Variants in DPY19L1 observed in about 807,000 individuals in gnomAD.
DPY19L1 encodes protein C-mannosyl-transferase DPY19L1.
A neutral mutation model predicts 96.9 loss-of-function variants in DPY19L1; 35 were observed. The observed-to-expected ratio is 0.36, with a 90% CI of 0.28 to 0.48. DPY19L1 has a LOEUF of 0.48. Among genes scored for constraint, DPY19L1 ranks in the 20% least tolerant of loss-of-function variants. The pLI is 0.99. For synonymous variants in DPY19L1, 205 were observed against 252.6 expected (o/e 0.81, Z 1.79); for missense variants, 521 against 777.9 (o/e 0.67, Z 3.93).
intron 16 of DPY19L1, among the ~76,000 whole-genome samples, chr7:34,944,101 A>C (rs1211937769): frequency 6.6e-6 from 1 of 152,136 alleles, no homozygotes; most frequent in Non-Finnish European, 1.5e-5. Flanking sequence ...GCAGTGGCTC[A>C]TGCCTATAAT....
At chr7:34,977,208 T>C (rs1258157704) in intron 7 of DPY19L1, among the ~76,000 whole-genome samples, 1 of 152,228 alleles carries the variant, frequency 6.6e-6, no homozygotes, top group Non-Finnish European at 1.5e-5. Context: ...TATTACGATA[T>C]TCATTTTACG....
At chr7:35,014,701 G>C (rs563273993) in intron 3 of DPY19L1, among the ~76,000 whole-genome samples, 15 of 152,256 alleles carry the variant, frequency 9.9e-5, no homozygotes, top group African/African-American at 3.6e-4. Flanking sequence ...GATTTGGATA[G>C]TGTCCCCTAA....
Position 34,988,201 on chromosome 7 carries a change from T to C in DPY19L1, c.822+1683A>G, listed in dbSNP as rs543887861. ...ATAGTATACACTGAGGGTAGCACGATAGACCTTTGCACTTTACAAACAGTG... is the reference window on the plus strand; with the variant it reads ...ATAGTATACACTGAGGGTAGCACGACAGACCTTTGCACTTTACAAACAGTG... On this transcript the variant is annotated intron_variant, in intron 7 of 21. Transcript: ENST00000638088. 5.3e-5 allele frequency: 8 copies of C among 152,296 alleles called. No individual in the cohort carries two copies. The South Asian group carries it at 8.3e-4, about 16-fold the overall frequency. 9.4% of individuals were successfully genotyped at this position (152,296 alleles called of 1,614,324 possible).
chr7:35,024,125 C>T (rs867890917), intron 1 of DPY19L1, among the ~76,000 whole-genome samples: 3 of 152,048 alleles, frequency 2.0e-5, no homozygotes, highest in Admixed American at 1.3e-4. Context: ...CATGAGCCAC[C>T]GCACCCGGCC....
chr7:34,954,163 A>G (rs1784325466), intron 13 of DPY19L1, among the ~76,000 whole-genome samples: 1 of 152,172 alleles, frequency 6.6e-6, no homozygotes, highest in South Asian at 2.1e-4. Flanking sequence ...ATGGACAGAG[A>G]GAATCTTTAA....
In DPY19L1 at chr7:34,942,607, G is replaced by C. The variant is rs747000764; in HGVS notation, c.1569+8C>G. The stretch of plus-strand genomic sequence containing the variant: ...ATAAGTAAAATTATAGTCATATTAA[G>C]TCTTTACCTCTCCATGATCAAACTG... On this transcript the variant is annotated splice_region_variant and intron_variant, in intron 17 of 21. Transcript: ENST00000638088. The C allele has an allele frequency of 1.3e-6, 2 of 1,588,136 alleles. No individual in the cohort carries two copies. The highest frequency in any genetic ancestry group is 1.7e-6 in the Non-Finnish European group (2 of 1,166,512).
chr7:34,998,310 GGGA>G (rs1000508396), intron 6 of DPY19L1, among the ~76,000 whole-genome samples: 3 of 152,182 alleles, frequency 2.0e-5, no homozygotes, highest in Admixed American at 2.0e-4. Context: ...TCAAAAGAGG[GGGA>G]GGAGATCAGG....
intron 6 of DPY19L1, among the ~76,000 whole-genome samples, chr7:34,998,032 C>T (rs1336109140): frequency 6.6e-6 from 1 of 152,152 alleles, no homozygotes; most frequent in Admixed American, 6.5e-5. Context: ...CATCCAGGCC[C>T]TCAGGGCTTC....
upstream of DPY19L1, chr7:35,037,813 C>A (rs950272520): frequency 9.2e-5 from 113 of 1,225,832 alleles, no homozygotes; most frequent in Non-Finnish European, 1.1e-4. Flanking sequence ...CCCGGCTACC[C>A]ACACCTCTTC....
At chr7:34,949,266 A>C (rs1562802975) in intron 14 of DPY19L1, among the ~76,000 whole-genome samples, 1 of 152,216 alleles carries the variant, frequency 6.6e-6, no homozygotes, top group Non-Finnish European at 1.5e-5. Context: ...ATGCTACTAG[A>C]AACTAGTAAA....
intron 13 of DPY19L1, among the ~76,000 whole-genome samples, chr7:34,953,720 GAATGAATA>G (rs923523053): frequency 3.6e-5 from 3 of 82,950 alleles, no homozygotes; most frequent in Non-Finnish European, 6.9e-5. Flanking sequence ...ATGAATGAAT[GAATGAATA>G]AATACATTTT....
chr7:34,968,770 A>G (rs1784663428), intron 9 of DPY19L1, among the ~76,000 whole-genome samples: 1 of 130,068 alleles, frequency 7.7e-6, no homozygotes, highest in Admixed American at 7.3e-5. Flanking sequence ...CTCCATCGCA[A>G]AAAAAAAAAA....
intron 16 of DPY19L1, among the ~76,000 whole-genome samples, chr7:34,942,971 A>G (rs1784057925): frequency 6.6e-6 from 1 of 152,202 alleles, no homozygotes; most frequent in African/African-American, 2.4e-5. Context: ...GATTTTCACT[A>G]GGCAACCAAG....
intron 7 of DPY19L1, among the ~76,000 whole-genome samples, chr7:34,982,372 G>A (rs1784957655): frequency 6.6e-6 from 1 of 152,100 alleles, no homozygotes; most frequent in South Asian, 2.1e-4. Context: ...ATTTTCAAAC[G>A]GATTAGAAAA....
rs551679096 is a variant in DPY19L1 at position 34,953,663 on chromosome 7, G to C, written c.1320+1035C>G. On this transcript the variant is annotated intron_variant, in intron 13 of 21. Transcript: ENST00000638088. ...CGCTAGACCATACCTTACTCAGTTT[G>C]GTATCTCTAGCATACTTTCCACTGT... 2.6e-5 allele frequency among the ~76,000 whole-genome samples: 4 copies of C among 152,074 alleles called. No individual in the cohort carries two copies. In the South Asian group the frequency reaches 8.3e-4, roughly 32 times the overall value.
chr7:34,958,051 A>C lies in DPY19L1; in HGVS notation c.1112T>G (p.Phe371Cys), dbSNP rs373732674. 1.1e-5 allele frequency: 18 copies of C among 1,584,090 alleles called. No homozygotes were observed. Among genetic ancestry groups the C allele is most frequent in the South Asian group, 2.4e-5 (2 of 84,444 alleles). Residue 371 changes from phenylalanine (F) to cysteine (C), a missense_variant, in exon 11 of 22, where the codon TTT (phenylalanine) becomes TGT (cysteine). Coordinates refer to ENST00000638088, the MANE Select transcript of DPY19L1 (RefSeq NM_001366673.1). ...YIHMISLALC[F>C]VLMFGNSMLL... ...CATTGAGTTCCCAAACATCAAAACAAAACAAAGTGCAAGAGAAATCTGGAA... is the reference window on the plus strand; with the variant it reads ...CATTGAGTTCCCAAACATCAAAACACAACAAAGTGCAAGAGAAATCTGGAA...
chr7:34,935,821 T>G (rs1783857496), intron 21 of DPY19L1, among the ~76,000 whole-genome samples: 3 of 152,130 alleles, frequency 2.0e-5, no homozygotes, highest in South Asian at 4.2e-4. Context: ...TAAATATTAG[T>G]CATTCTTCAC....
intron 1 of DPY19L1, among the ~76,000 whole-genome samples, chr7:35,024,121 C>T (rs951354572): frequency 6.6e-6 from 1 of 152,128 alleles, no homozygotes; most frequent in African/African-American, 2.4e-5. Flanking sequence ...CAGGCATGAG[C>T]CACCGCACCC....
intron 10 of DPY19L1, among the ~76,000 whole-genome samples, chr7:34,961,302 C>G (rs1784496472): frequency 6.6e-6 from 1 of 152,140 alleles, no homozygotes; most frequent in Non-Finnish European, 1.5e-5. Context: ...AAGACACAAA[C>G]AGATCAAGGG....
Sources: allele counts gnomAD v4.1 joint callset (sites outside exome capture counted in the v4.1 genomes callset), GRCh38; gene constraint gnomAD v4.1.1; transcripts MANE v1.5; gene names NCBI Gene and HGNC (gene_info 2026-07-23, HGNC 2026-07-21).